TBC1D9: variants seen among roughly 807,000 people sequenced by gnomAD.
TBC1D9 encodes TBC1 domain family member 9A.
Under a neutral mutation model 132.0 loss-of-function variants are expected in TBC1D9, and 63 were observed. That is an observed-to-expected ratio of 0.48 (90% confidence interval 0.39 to 0.59). The LOEUF is 0.59. Among genes scored for constraint, TBC1D9 ranks in the 20% least tolerant of loss-of-function variants. The pLI is 0.00. For synonymous variants in TBC1D9, 610 were observed against 609.9 expected, an observed-to-expected ratio of 1.00 and a Z score of 0.00; for missense variants, 1,261 against 1,592.7, an observed-to-expected ratio of 0.79 and a Z score of 3.54.
chr4:140,648,731 G>C (rs1737142189), intron 13 of TBC1D9, among the ~76,000 whole-genome samples: 1 of 152,082 alleles, frequency 6.6e-6, no homozygotes, highest in Non-Finnish European at 1.5e-5. Context: ...TTGTTGCTTT[G>C]CCCCTGTGGG....
At chr4:140,658,681 G>T (rs9631768) in intron 11 of TBC1D9, among the ~76,000 whole-genome samples, 86,701 of 151,700 alleles carry the variant, frequency 0.57, 24,930 homozygotes, top group East Asian at 0.65. Flanking sequence ...ATGGTGGTGG[G>T]AGTCTGTATA....
chr4:140,682,491 G>T (rs1737719269), intron 3 of TBC1D9, among the ~76,000 whole-genome samples: 1 of 152,154 alleles, frequency 6.6e-6, no homozygotes, highest in South Asian at 2.1e-4. Context: ...ATTCAGAAGG[G>T]AAAAGGGATG....
intron 1 of TBC1D9, among the ~76,000 whole-genome samples, chr4:140,737,676 G>A (rs1050528083): frequency 6.6e-6 from 1 of 152,090 alleles, no homozygotes; most frequent in Admixed American, 6.5e-5. Flanking sequence ...ATTTTCAACT[G>A]GTTGAAAGGC....
chr4:140,643,891 G>T, intron 13 of TBC1D9: 1 of 714,466 alleles, frequency 1.4e-6, no homozygotes. Flanking sequence ...GCGGGCAGTG[G>T]CAGCGGCAAC....
chr4:140,670,648 G>C, intron 7 of TBC1D9, 72 bp downstream of exon 7: 1 of 1,277,826 alleles, frequency 7.8e-7, no homozygotes, highest in Non-Finnish European at 1.1e-6. Context: ...AAACAAAATG[G>C]GCAAGGAACT....
chr4:140,722,065 G>A (rs1738433953), intron 1 of TBC1D9, among the ~76,000 whole-genome samples: 1 of 152,138 alleles, frequency 6.6e-6, no homozygotes, highest in Non-Finnish European at 1.5e-5. Context: ...TCCTATAGGA[G>A]TCTGTTTTTT....
intron 18 of TBC1D9, among the ~76,000 whole-genome samples, chr4:140,627,175 A>T (rs1736722899): frequency 6.6e-6 from 1 of 152,214 alleles, no homozygotes; most frequent in South Asian, 2.1e-4. Context: ...TGATCCTGGC[A>T]GAAAGAGGGC....
chr4:140,709,250 A>T (rs4956331), intron 1 of TBC1D9, among the ~76,000 whole-genome samples: 32,971 of 74,460 alleles, frequency 0.44, 5,817 homozygotes, highest in Non-Finnish European at 0.5. Context: ...TCTCTCTCTC[A>T]CACACACACA....
Position 140,654,241 on chromosome 4 carries a change from C to T in TBC1D9, c.2337+2856G>A, listed in dbSNP as rs190134107. Among the ~76,000 whole-genome samples, 377 of 152,224 alleles carry T rather than the reference C, an allele frequency of 2.5e-3. 8 individuals are homozygous for T. Among genetic ancestry groups the T allele is most frequent in the Admixed American group, 0.017 (265 of 15,292 alleles). The stretch of plus-strand genomic sequence containing the variant: ...GTACCCTTTCCCCATTGTCTGGGGT[C>T]GGGTTGTACAATCTAATCCCGGTTG... On this transcript the variant is annotated intron_variant, in intron 13 of 20. Transcript: ENST00000442267.
intron 1 of TBC1D9, among the ~76,000 whole-genome samples, chr4:140,729,986 T>G (rs931989511): frequency 2.0e-5 from 3 of 152,166 alleles, no homozygotes; most frequent in South Asian, 2.1e-4. Flanking sequence ...TTGTTGTGGC[T>G]TCTGCAGGGC....
intron 1 of TBC1D9, among the ~76,000 whole-genome samples, chr4:140,748,409 T>A (rs1016945826): frequency 6.6e-6 from 1 of 151,936 alleles, no homozygotes; most frequent in African/African-American, 2.4e-5. Context: ...GAAAGAGAGA[T>A]GAGGGGATGA....
At position 140,639,151 on chromosome 4, in the gene TBC1D9, G is replaced by A. The variant is rs1361047700; in HGVS notation, c.2440C>T (p.Arg814Ter). The change falls in exon 15 of 21, where the codon CGA becomes TGA. Residue 814 changes from arginine to a stop codon, truncating the protein, a stop_gained. Transcript: ENST00000442267. LOFTEE classifies it high-confidence loss of function. ...AAGGAAGTTTCTGTCACAATGGTTCGTACCTATAAAAATATTAAGCAAAAT... is the reference window on the plus strand; with the variant it reads ...AAGGAAGTTTCTGTCACAATGGTTCATACCTATAAAAATATTAAGCAAAAT... ...LEDTTKRNVV[R>*]TIVTETSFTI... The A allele has an allele frequency of 1.3e-6, 2 of 1,575,732 alleles. No individual in the cohort carries two copies. Among genetic ancestry groups the A allele is most frequent in the Non-Finnish European group, 1.7e-6 (2 of 1,158,952 alleles).
intron 1 of TBC1D9, among the ~76,000 whole-genome samples, chr4:140,727,099 C>A (rs1164428823): frequency 1.3e-5 from 2 of 152,146 alleles, no homozygotes; most frequent in African/African-American, 4.8e-5. Context: ...ATGAAAATAT[C>A]AAATTTAAAA....
intron 7 of TBC1D9, 109 bp downstream of exon 7, chr4:140,670,611 G>T: frequency 1.2e-6 from 1 of 819,406 alleles, no homozygotes; most frequent in Non-Finnish European, 2.0e-6. Context: ...ATATTGCTTT[G>T]GGCGTCAGAC....
chr4:140,657,278 A>T (rs983048060), intron 12 of TBC1D9, 52 bp from the exon 13 acceptor site: 1 of 1,580,600 alleles, frequency 6.3e-7, no homozygotes. Flanking sequence ...GAATCCTCCC[A>T]TTATAATTCT....
intron 6 of TBC1D9, among the ~76,000 whole-genome samples, chr4:140,675,639 G>A (rs533226559): frequency 4.4e-4 from 67 of 152,314 alleles, no homozygotes; most frequent in African/African-American, 1.5e-3. Context: ...ACTTTACTGT[G>A]CATAAGAATT....
intron 3 of TBC1D9, among the ~76,000 whole-genome samples, chr4:140,680,369 T>C (rs542424504): frequency 6.6e-6 from 1 of 152,206 alleles, no homozygotes; most frequent in Admixed American, 6.5e-5. Flanking sequence ...GGGGTAGATA[T>C]GAGAGCAAAA....
Position 140,705,518 on chromosome 4 carries a change from G to T in TBC1D9, c.131-3904C>A, listed in dbSNP as rs538197636. 9.2e-4 allele frequency among the ~76,000 whole-genome samples: 121 copies of T among 131,882 alleles called. No individual in the cohort carries two copies. In the Middle Eastern group the frequency reaches 0.026, roughly 29 times the overall value. The allele number at this position is 131,882 out of a possible 152,430, so 86.5% of individuals were successfully genotyped here. On this transcript the variant is annotated intron_variant, in intron 1 of 20. Transcript: ENST00000442267. ...ACAAGTGAGGGGTGTGTGCATGTGT[G>T]TGTGTGTGTGTGTGTGTGTGTGTGC... is the stretch of plus-strand genomic sequence containing the variant.
intron 1 of TBC1D9, among the ~76,000 whole-genome samples, chr4:140,702,855 A>T (rs921239811): frequency 6.6e-6 from 1 of 152,222 alleles, no homozygotes; most frequent in Non-Finnish European, 1.5e-5. Flanking sequence ...AACCCAGTAT[A>T]GAGCAGGGCT....
Sources: allele counts gnomAD v4.1 joint callset (sites outside exome capture counted in the v4.1 genomes callset), GRCh38; gene constraint gnomAD v4.1.1; transcripts MANE v1.5; gene names NCBI Gene and HGNC (gene_info 2026-07-23, HGNC 2026-07-21).